CRB1: variants seen among roughly 807,000 people sequenced by gnomAD.
The protein encoded by CRB1 is protein crumbs homolog 1.
A neutral mutation model predicts 120.0 loss-of-function variants in CRB1; 83 were observed. The observed-to-expected ratio is 0.69, with a 90% CI of 0.58 to 0.83. The LOEUF (loss-of-function observed/expected upper bound fraction) is 0.83. Ranked by LOEUF, CRB1 falls within the 40% of genes least tolerant of loss-of-function variation. The probability of loss-of-function intolerance (pLI) is 0.00; values close to 1 mark genes in which losing one functional copy is unlikely to be tolerated. For missense variants in CRB1, 1,699 were observed against 1,687.6 expected (o/e 1.01, Z -0.12); for synonymous variants, 625 against 612.5 (o/e 1.02, Z -0.30).
intron 9 of CRB1, 96 bp downstream of exon 9, chr1:197,435,708 A>G: frequency 9.0e-7 from 1 of 1,110,098 alleles, no homozygotes; most frequent in South Asian, 1.3e-5. Context: ...AGGTATACAT[A>G]TATACTGTGC....
chr1:197,246,026 G>A, the CRB1 span, among the ~76,000 whole-genome samples: 1 of 152,088 alleles, frequency 6.6e-6, no homozygotes, highest in African/African-American at 2.4e-5. Flanking sequence ...GTGGGGAGGG[G>A]TACTTCATAA....
the CRB1 span, among the ~76,000 whole-genome samples, chr1:197,231,579 T>C: frequency 6.6e-6 from 1 of 152,120 alleles, no homozygotes; most frequent in Non-Finnish European, 1.5e-5. Flanking sequence ...AAATTTGTAG[T>C]ATGAAGAAAG....
chr1:197,421,476 A>C lies in CRB1; in HGVS notation c.1648A>C (p.Asn550His). 1 of 1,614,216 alleles carries C rather than the reference A, an allele frequency of 6.2e-7. No homozygotes were observed. Among genetic ancestry groups the C allele is most frequent in the Non-Finnish European group, 8.5e-7 (1 of 1,180,042 alleles). The change falls in exon 6 of 12, where the codon AAT (asparagine) becomes CAT (histidine). Residue 550 changes from asparagine to histidine, a missense_variant. Physicochemically the swap from Asn to His is moderately conservative, Grantham distance 68. Transcript: ENST00000367400. Reference protein sequence around the residue: ...GYIHLSIQVNNQSKVLLFISH... With the variant: ...GYIHLSIQVNHQSKVLLFISH... ...CATTCACTTATCAATTCAGGTCAAT[A>C]ATCAGTCAAAGGTGCTTCTGTTCAT...
intron 1 of CRB1, among the ~76,000 whole-genome samples, chr1:197,315,986 G>T (rs1157011273): frequency 6.6e-6 from 1 of 152,128 alleles, no homozygotes; most frequent in East Asian, 1.9e-4. Context: ...TATTTTTGAA[G>T]ATTAGCCTTT....
At chr1:197,258,664 A>G in the CRB1 span, among the ~76,000 whole-genome samples, 1 of 152,010 alleles carries the variant, frequency 6.6e-6, no homozygotes, top group South Asian at 2.1e-4. Context: ...TTATCCTCCA[A>G]TTATTAAGTA....
At chr1:197,399,550 A>C (rs1347996509) in intron 5 of CRB1, among the ~76,000 whole-genome samples, 2 of 152,290 alleles carry the variant, frequency 1.3e-5, no homozygotes, top group East Asian at 3.9e-4. Flanking sequence ...TTTCCTCATC[A>C]AGTTTTTGTC....
chr1:197,251,760 A>T, the CRB1 span, among the ~76,000 whole-genome samples: 1 of 151,728 alleles, frequency 6.6e-6, no homozygotes, highest in South Asian at 2.1e-4. Flanking sequence ...AAATTTTTTT[A>T]TGTGTTTGTG....
At chr1:197,322,238 T>TG (rs897253095) in intron 1 of CRB1, among the ~76,000 whole-genome samples, 1 of 151,996 alleles carries the variant, frequency 6.6e-6, no homozygotes, top group Non-Finnish European at 1.5e-5. Context: ...CCCAGCACAT[T>TG]GGGGGGCCGA....
intron 5 of CRB1, among the ~76,000 whole-genome samples, chr1:197,389,546 C>A (rs1005151569): frequency 1.3e-5 from 2 of 151,870 alleles, no homozygotes; most frequent in South Asian, 2.1e-4. Context: ...GGAAGGGAAG[C>A]GAGAATTTGG....
chr1:197,221,917 AT>A, the CRB1 span, among the ~76,000 whole-genome samples: 2 of 152,112 alleles, frequency 1.3e-5, no homozygotes, highest in Non-Finnish European at 2.9e-5. Flanking sequence ...ATTTTTTTAA[AT>A]TCCTCTTCCA....
At chr1:197,420,000 C>CAAAAAAAAAAAAAAAAAAAAAAA (rs200847709) in intron 5 of CRB1, among the ~76,000 whole-genome samples, 1 of 140,084 alleles carries the variant, frequency 7.1e-6, no homozygotes, top group Non-Finnish European at 1.5e-5. Flanking sequence ...AAAAAAAAAA[C>CAAAAAAAAAAAAAAAAAAAAAAA]AAACAAAAAA....
chr1:197,398,972 A>G (rs1412211074), intron 5 of CRB1, among the ~76,000 whole-genome samples: 2 of 151,492 alleles, frequency 1.3e-5, no homozygotes, highest in East Asian at 1.9e-4. Flanking sequence ...GACTATATAT[A>G]TGTATAATAG....
chr1:197,463,586 T>G (rs953278090), intron 11 of CRB1, among the ~76,000 whole-genome samples: 3 of 152,182 alleles, frequency 2.0e-5, no homozygotes, highest in African/African-American at 7.2e-5. Context: ...TGTGCGTAAT[T>G]AAACAAGCCC....
the CRB1 span, among the ~76,000 whole-genome samples, chr1:197,203,842 G>C: frequency 6.6e-6 from 1 of 152,100 alleles, no homozygotes; most frequent in African/African-American, 2.4e-5. Flanking sequence ...GTGGTATTTG[G>C]TTACGTGAAT....
chr1:197,429,524 A>G lies in CRB1; in HGVS notation c.2752A>G (p.Ser918Gly), dbSNP rs776426313. The change falls in exon 8 of 12, where the codon AGT becomes GGT. Residue 918 changes from serine to glycine, a missense_variant. Coordinates refer to ENST00000367400, the MANE Select transcript of CRB1 (RefSeq NM_201253.3). Reference protein sequence around the residue: ...DFSCSCPALTSGKACEEVQWC... With the variant: ...DFSCSCPALTGGKACEEVQWC... Reference sequence around the variant, plus strand: ...CTCCTGTTCCTGTCCTGCCCTCACAAGTGGGAAAGCCTGTGAGGAGGTTCA... The same window carrying G: ...CTCCTGTTCCTGTCCTGCCCTCACAGGTGGGAAAGCCTGTGAGGAGGTTCA... 3 of 1,613,758 alleles carry G rather than the reference A, an allele frequency of 1.9e-6. No individual in the cohort carries two copies. The highest frequency in any genetic ancestry group is 1.7e-6 in the Non-Finnish European group (2 of 1,179,854).
At chr1:197,290,623 T>C (rs1004800191) in intron 1 of CRB1, among the ~76,000 whole-genome samples, 2 of 151,716 alleles carry the variant, frequency 1.3e-5, no homozygotes, top group African/African-American at 4.8e-5. Context: ...TTGAGTGTCA[T>C]GCTGATTTTC....
At chr1:197,311,869 G>A (rs1041291507) in intron 1 of CRB1, among the ~76,000 whole-genome samples, 4 of 152,012 alleles carry the variant, frequency 2.6e-5, no homozygotes, top group Non-Finnish European at 4.4e-5. Context: ...TTATAGATTT[G>A]TAGGAGCTCT....
intron 5 of CRB1, among the ~76,000 whole-genome samples, chr1:197,399,612 T>G (rs912959500): frequency 6.6e-6 from 1 of 152,224 alleles, no homozygotes; most frequent in African/African-American, 2.4e-5. Flanking sequence ...ACTCTGCAAC[T>G]TAAAATAATG....
Position 197,421,863 on chromosome 1 carries a change from C to T in CRB1, c.2035C>T (p.Gln679Ter). 1 of 1,614,168 alleles carries T rather than the reference C, an allele frequency of 6.2e-7. No individual in the cohort carries two copies. Among genetic ancestry groups the T allele is most frequent in the Non-Finnish European group, 8.5e-7 (1 of 1,180,040 alleles). Residue 679 changes from glutamine to a stop codon, truncating the protein, a stop_gained, in exon 6 of 12, where the codon CAA becomes TAA. Transcript: ENST00000367400. LOFTEE classifies it high-confidence loss of function. ...TGTGAGAAAGGATTGGTGTGAAAGCCAACCTTGTCAAAGCAGAGGACGCTG... is the reference window on the plus strand; with the variant it reads ...TGTGAGAAAGGATTGGTGTGAAAGCTAACCTTGTCAAAGCAGAGGACGCTG... ...GCVRKDWCES[Q>*]PCQSRGRCIN...
Sources: gnomAD v4.1 joint callset for allele counts (sites outside exome capture counted in the v4.1 genomes callset) on GRCh38, gnomAD v4.1.1 for gene constraint, MANE v1.5 for transcripts, NCBI Gene and HGNC (gene_info 2026-07-23, HGNC 2026-07-21) for gene names.